Variants in SCAPER observed in about 807,000 individuals in gnomAD.
The protein encoded by SCAPER is S-phase cyclin A associated protein in the ER.
SCAPER carries 98 observed loss-of-function variants against 182.2 expected under a neutral mutation model. The observed-to-expected ratio is 0.54, with a 90% CI of 0.46 to 0.64. The LOEUF is 0.64. SCAPER is among the 30% of genes least tolerant of loss of function. The pLI, the probability that SCAPER is intolerant of heterozygous loss-of-function variation, is 0.00. For synonymous variants in SCAPER, 605 were observed against 564.6 expected (o/e 1.07, Z -1.01); for missense variants, 1,432 against 1,690.0 (o/e 0.85, Z 2.68).
At chr15:76,884,862 T>C (rs184964405) in intron 1 of SCAPER, among the ~76,000 whole-genome samples, 1 of 152,290 alleles carries the variant, frequency 6.6e-6, no homozygotes, top group Admixed American at 6.5e-5. Context: ...AAAGTGCTAA[T>C]ATATGCTACA....
intron 23 of SCAPER, among the ~76,000 whole-genome samples, chr15:76,525,728 A>G (rs917321260): frequency 9.2e-5 from 14 of 152,160 alleles, no homozygotes; most frequent in African/African-American, 3.1e-4. Context: ...AATGGTGTAT[A>G]TATACCACAT....
intron 23 of SCAPER, among the ~76,000 whole-genome samples, chr15:76,524,689 G>GTTTTTTTTTTTTTTTTTTTTTT (rs35944222): frequency 4.0e-5 from 2 of 50,116 alleles, no homozygotes; most frequent in East Asian, 7.3e-4. Context: ...TTTTTGTTCT[G>GTTTTTTTTTTTTTTTTTTTTTT]TTTTTTTTTT....
intron 2 of SCAPER, among the ~76,000 whole-genome samples, chr15:76,880,275 A>G (rs2073449441): frequency 1.3e-5 from 2 of 152,248 alleles, no homozygotes; most frequent in Admixed American, 1.3e-4. Flanking sequence ...GAAATACAAA[A>G]GACAGTTGTC....
At chr15:76,404,297 T>G (rs925286174) in intron 27 of SCAPER, among the ~76,000 whole-genome samples, 1 of 151,804 alleles carries the variant, frequency 6.6e-6, no homozygotes, top group Non-Finnish European at 1.5e-5. Context: ...GCAATGACAG[T>G]CAAATTTATG....
At chr15:76,764,821 C>G in intron 14 of SCAPER, 140 bp downstream of exon 14, 1 of 569,088 alleles carries the variant, frequency 1.8e-6, no homozygotes, top group South Asian at 2.5e-5. Flanking sequence ...TTCTTGGATT[C>G]AATAGATTAA....
intron 20 of SCAPER, among the ~76,000 whole-genome samples, chr15:76,678,522 T>C (rs2057497425): frequency 6.6e-6 from 1 of 152,120 alleles, no homozygotes; most frequent in African/African-American, 2.4e-5. Flanking sequence ...ACTCCCTCAC[T>C]GCCTTCTACC....
chr15:76,532,312 T>TCCCCC (rs2043744274), intron 23 of SCAPER, among the ~76,000 whole-genome samples: 1 of 151,260 alleles, frequency 6.6e-6, no homozygotes, highest in Non-Finnish European at 1.5e-5. Flanking sequence ...CCTTTAACAT[T>TCCCCC]ACCCCTCCCC....
At chr15:76,809,049 T>G (rs1340845672) in intron 5 of SCAPER, among the ~76,000 whole-genome samples, 1 of 152,166 alleles carries the variant, frequency 6.6e-6, no homozygotes, top group African/African-American at 2.4e-5. Flanking sequence ...TACCCTAATC[T>G]GGGGACCACT....
At chr15:76,363,087 C>G (rs558622076) in intron 29 of SCAPER, among the ~76,000 whole-genome samples, 1 of 152,320 alleles carries the variant, frequency 6.6e-6, no homozygotes, top group South Asian at 2.1e-4. Context: ...CGGCCCTGCT[C>G]CAGATACCAG....
At chr15:76,685,378 A>G (rs2057980119) in intron 20 of SCAPER, among the ~76,000 whole-genome samples, 1 of 152,050 alleles carries the variant, frequency 6.6e-6, no homozygotes, top group Admixed American at 6.5e-5. Flanking sequence ...ATACAACCTT[A>G]TTATTTGTAG....
chr15:76,563,045 C>T (rs549155410), intron 23 of SCAPER, among the ~76,000 whole-genome samples: 1 of 152,038 alleles, frequency 6.6e-6, no homozygotes, highest in South Asian at 2.1e-4. Flanking sequence ...AGAAACAGAC[C>T]CTTAAGTGAT....
At chr15:76,451,356 T>G (rs1279626073) in intron 25 of SCAPER, among the ~76,000 whole-genome samples, 2 of 152,222 alleles carry the variant, frequency 1.3e-5, no homozygotes. Flanking sequence ...GAAATGTTTT[T>G]CATTTTTCTT....
intron 4 of SCAPER, among the ~76,000 whole-genome samples, chr15:76,845,748 T>C (rs1190970860): frequency 1.3e-5 from 2 of 152,080 alleles, no homozygotes; most frequent in Admixed American, 1.3e-4. Context: ...AGAATGAATG[T>C]TATTAAAATG....
chr15:76,740,627 A>C (rs78980891), intron 15 of SCAPER, among the ~76,000 whole-genome samples: 5 of 152,188 alleles, frequency 3.3e-5, no homozygotes, highest in African/African-American at 4.8e-5. Context: ...CCAACATATA[A>C]TTCAGGTAGA....
chr15:76,814,417 A>G (rs2066906125), intron 5 of SCAPER, among the ~76,000 whole-genome samples: 1 of 152,196 alleles, frequency 6.6e-6, no homozygotes, highest in African/African-American at 2.4e-5. Context: ...AGACATGAAG[A>G]CCAACAGAAC....
chr15:76,877,743 G>C (rs1393490303), intron 2 of SCAPER, among the ~76,000 whole-genome samples: 1 of 152,128 alleles, frequency 6.6e-6, no homozygotes, highest in African/African-American at 2.4e-5. Flanking sequence ...AGTCAAGAAA[G>C]AGAAAGGCTG....
chr15:76,361,565 T>C (rs2041422316), intron 29 of SCAPER, among the ~76,000 whole-genome samples: 1 of 152,148 alleles, frequency 6.6e-6, no homozygotes, highest in African/African-American at 2.4e-5. Context: ...AAATCAGCAA[T>C]TAGAAAAGAC....
chr15:76,634,891 A>G (rs563003982), intron 21 of SCAPER, among the ~76,000 whole-genome samples: 3 of 151,868 alleles, frequency 2.0e-5, no homozygotes, highest in Admixed American at 2.0e-4. Flanking sequence ...TGATACTGTA[A>G]GTACAGTAAG....
chr15:76,682,072 C>T (rs959919001), intron 20 of SCAPER, among the ~76,000 whole-genome samples: 4 of 152,100 alleles, frequency 2.6e-5, no homozygotes, highest in African/African-American at 4.8e-5. Flanking sequence ...ACCAGGGTGC[C>T]GCTGGGGCTC....
Sources: allele counts gnomAD v4.1 joint callset (sites outside exome capture counted in the v4.1 genomes callset), GRCh38; gene constraint gnomAD v4.1.1; transcripts MANE v1.5; gene names NCBI Gene and HGNC (gene_info 2026-07-23, HGNC 2026-07-21).